The following COMMD10 variants were observed in gnomAD, a reference collection of about 807,000 sequenced individuals.
COMMD10 encodes COMM domain-containing protein 10.
A neutral mutation model predicts 28.9 loss-of-function variants in COMMD10; 33 were observed. The ratio of observed to expected loss-of-function variants is 1.14; its 90% confidence interval spans 0.87 to 1.53. The LOEUF (loss-of-function observed/expected upper bound fraction) is 1.53. Ranked by LOEUF, COMMD10 falls within the 40% of genes most tolerant of loss-of-function variation. COMMD10 has a pLI of 0.00. For synonymous variants in COMMD10, 110 were observed against 81.7 expected (o/e 1.35, Z -1.87); for missense variants, 310 against 233.4 (o/e 1.33, Z -2.14).
intron 4 of COMMD10, among the ~76,000 whole-genome samples, chr5:116,107,802 C>T (rs997746611): frequency 3.3e-5 from 5 of 152,104 alleles, no homozygotes; most frequent in Non-Finnish European, 7.4e-5. Context: ...GCTGGTTTCT[C>T]CCTATCTTTG....
intron 4 of COMMD10, among the ~76,000 whole-genome samples, chr5:116,093,320 A>G (rs977405507): frequency 6.6e-6 from 1 of 152,236 alleles, no homozygotes; most frequent in South Asian, 2.1e-4. Flanking sequence ...AACATCTAAA[A>G]GAGAATGCTA....
At chr5:116,273,702 A>G (rs182180020) in intron 5 of COMMD10, among the ~76,000 whole-genome samples, 9 of 151,788 alleles carry the variant, frequency 5.9e-5, no homozygotes, top group African/African-American at 2.2e-4. Flanking sequence ...CAAAAGCTGA[A>G]CAGTCCAGTT....
At chr5:116,137,513 A>T (rs1175656967) in intron 5 of COMMD10, among the ~76,000 whole-genome samples, 1 of 152,036 alleles carries the variant, frequency 6.6e-6, no homozygotes, top group Non-Finnish European at 1.5e-5. Context: ...TAGGGTAGTT[A>T]TCCTGAAAAT....
chr5:116,146,682 T>C (rs568903536), intron 5 of COMMD10, among the ~76,000 whole-genome samples: 2 of 152,012 alleles, frequency 1.3e-5, no homozygotes, highest in East Asian at 1.9e-4. Flanking sequence ...AATATGTCTT[T>C]AATGGATTGT....
chr5:116,291,665 T>C, intron 6 of COMMD10, 89 bp downstream of exon 6: 1 of 729,036 alleles, frequency 1.4e-6, no homozygotes, highest in Non-Finnish European at 2.2e-6. Flanking sequence ...TTAAATGTCA[T>C]ATTATGGAAC....
intron 4 of COMMD10, among the ~76,000 whole-genome samples, chr5:116,125,320 G>T (rs1042673569): frequency 1.3e-5 from 2 of 152,192 alleles, no homozygotes; most frequent in Middle Eastern, 6.8e-3. Context: ...GTTTATTTTG[G>T]CTGGATATGA....
At position 116,258,127 on chromosome 5, in the gene COMMD10, G is replaced by T. The variant is rs1189910973; in HGVS notation, c.511-33390G>T. ...TATTGAATTTAAAGGCATATAAATT[G>T]GATTTCTTTTCCATTCATGGACATC... On this transcript the variant is annotated intron_variant, in intron 5 of 6. Transcript: ENST00000274458. 2.0e-5 allele frequency among the ~76,000 whole-genome samples: 3 copies of T among 151,584 alleles called. 1 individual carries two copies. The highest frequency in any genetic ancestry group is 7.3e-5 in the African/African-American group (3 of 41,110).
intron 5 of COMMD10, among the ~76,000 whole-genome samples, chr5:116,191,269 A>G (rs1339290481): frequency 6.6e-6 from 1 of 152,068 alleles, no homozygotes; most frequent in African/African-American, 2.4e-5. Flanking sequence ...CTTTGTAACA[A>G]TTTGAATGGG....
At chr5:116,173,465 C>T (rs1433317023) in intron 5 of COMMD10, among the ~76,000 whole-genome samples, 3 of 152,138 alleles carry the variant, frequency 2.0e-5, no homozygotes, top group Non-Finnish European at 2.9e-5. Flanking sequence ...GATCATGCAA[C>T]TTAATTTATA....
At chr5:116,274,148 A>G (rs532325293) in intron 5 of COMMD10, among the ~76,000 whole-genome samples, 1 of 151,944 alleles carries the variant, frequency 6.6e-6, no homozygotes, top group Non-Finnish European at 1.5e-5. Context: ...CTTACACTGT[A>G]TTCAGTACAG....
chr5:116,175,989 C>T (rs1753496828), intron 5 of COMMD10, among the ~76,000 whole-genome samples: 1 of 151,934 alleles, frequency 6.6e-6, no homozygotes, highest in South Asian at 2.1e-4. Flanking sequence ...CTTGTTGCCA[C>T]AGAACTGTAC....
intron 5 of COMMD10, among the ~76,000 whole-genome samples, chr5:116,254,919 A>T (rs1365919249): frequency 2.6e-5 from 4 of 150,970 alleles, no homozygotes; most frequent in African/African-American, 9.8e-5. Context: ...CCCATTATTA[A>T]TGTGTGGGAG....
rs141401741 is a variant in COMMD10 at position 116,206,868 on chromosome 5, A to T, written c.510+72690A>T. The stretch of plus-strand genomic sequence containing the variant: ...GATATTCAATCTAATTTCCTTTGAG[A>T]ACCTGATTCTGTTGGATTGGTAGGC... On this transcript the variant is annotated intron_variant, in intron 5 of 6. Transcript: ENST00000274458. 1.6e-3 allele frequency among the ~76,000 whole-genome samples: 237 copies of T among 152,292 alleles called. 2 individuals carry two copies. Among genetic ancestry groups the T allele is most frequent in the African/African-American group, 5.3e-3 (222 of 41,562 alleles).
intron 5 of COMMD10, among the ~76,000 whole-genome samples, chr5:116,283,944 A>G (rs1751146465): frequency 6.6e-6 from 1 of 151,756 alleles, no homozygotes; most frequent in South Asian, 2.1e-4. Flanking sequence ...AGCTTGGGCA[A>G]TATAGTGAGA....
chr5:116,291,368 G>A (rs1353939474), intron 5 of COMMD10, 149 bp from the exon 6 acceptor site: 1 of 583,868 alleles, frequency 1.7e-6, no homozygotes, highest in African/African-American at 2.0e-5. Context: ...TTGAGTTCTA[G>A]GAATCATGGG....
chr5:116,226,774 G>A (rs987431174), intron 5 of COMMD10, among the ~76,000 whole-genome samples: 6 of 152,150 alleles, frequency 3.9e-5, no homozygotes, highest in Admixed American at 2.6e-4. Flanking sequence ...ACAGGTAACA[G>A]TGGACTGGCA....
At chr5:116,285,817 G>T (rs1751205489) in intron 5 of COMMD10, among the ~76,000 whole-genome samples, 1 of 151,780 alleles carries the variant, frequency 6.6e-6, no homozygotes, top group South Asian at 2.1e-4. Flanking sequence ...ACGGATATTG[G>T]TCTGTAGTTT....
Position 116,266,082 on chromosome 5 carries a change from A to T in COMMD10, c.511-25435A>T, listed in dbSNP as rs2112690831. ...CCTCCTGGAAGAAGTGTTTTAGCTG[A>T]CCCTTAAAAAAGCGGCAGGATTTTG... On this transcript the variant is annotated intron_variant, in intron 5 of 6. Transcript: ENST00000274458. Among the ~76,000 whole-genome samples the T allele has an allele frequency of 1.3e-5, 2 of 151,796 alleles. 1 individual carries two copies. Among genetic ancestry groups the T allele is most frequent in the African/African-American group, 4.9e-5 (2 of 41,230 alleles).
chr5:116,172,397 A>G (rs1256165285), intron 5 of COMMD10, among the ~76,000 whole-genome samples: 2 of 152,166 alleles, frequency 1.3e-5, no homozygotes, highest in African/African-American at 2.4e-5. Flanking sequence ...TGTGTTTTGT[A>G]GGAATATGGA....
Sources: allele counts gnomAD v4.1 joint callset (sites outside exome capture counted in the v4.1 genomes callset), GRCh38; gene constraint gnomAD v4.1.1; transcripts MANE v1.5; gene names NCBI Gene and HGNC (gene_info 2026-07-23, HGNC 2026-07-21).